Variants in CFAP58 observed in about 807,000 individuals in gnomAD.
The protein encoded by CFAP58 is cilia and flagella associated protein 58, also known as cilia- and flagella-associated protein 58.
CFAP58 carries 88 observed loss-of-function variants against 119.5 expected under a neutral mutation model. The ratio of observed to expected loss-of-function variants is 0.74; its 90% CI spans 0.62 to 0.88. The LOEUF (loss-of-function observed/expected upper bound fraction) is 0.88, where lower values mean the gene tolerates loss of function less well. Among genes scored for constraint, CFAP58 ranks in the 40% least tolerant of loss-of-function variants. The probability of loss-of-function intolerance (pLI) is 0.00; values close to 1 mark genes in which losing one functional copy is unlikely to be tolerated. For synonymous variants in CFAP58, 365 were observed against 366.3 expected (o/e 1.00, Z 0.04); for missense variants, 990 against 1,021.2 (o/e 0.97, Z 0.42).
At chr10:104,421,303 C>T (rs1029448045) in intron 15 of CFAP58, among the ~76,000 whole-genome samples, 1 of 152,194 alleles carries the variant, frequency 6.6e-6, no homozygotes, top group African/African-American at 2.4e-5. Flanking sequence ...GACTCCTTTT[C>T]CCTTCCACCT....
chr10:104,395,940 C>G (rs11192038), intron 11 of CFAP58, among the ~76,000 whole-genome samples: 37,530 of 152,128 alleles, frequency 0.25, 4,795 homozygotes, highest in Non-Finnish European at 0.28. Context: ...TCATTCATCC[C>G]CTTCAGCAGA....
chr10:104,424,828 A>G (rs1306639669), intron 15 of CFAP58, among the ~76,000 whole-genome samples: 1 of 152,230 alleles, frequency 6.6e-6, no homozygotes, highest in Non-Finnish European at 1.5e-5. Context: ...GGAGATGAGT[A>G]AGAACTGGCT....
chr10:104,445,118 T>C (rs534113866), intron 15 of CFAP58, among the ~76,000 whole-genome samples: 1 of 148,842 alleles, frequency 6.7e-6, no homozygotes, highest in African/African-American at 2.5e-5. Flanking sequence ...AGCCCAGGAG[T>C]TGGAGACCAG....
Position 104,357,941 on chromosome 10 carries a change from ATG to A in CFAP58, c.10-398_10-397del, listed in dbSNP as rs1410819245. 7.1e-5 allele frequency among the ~76,000 whole-genome samples: 9 copies of A among 127,464 alleles called. 1 individual carries two copies. The highest frequency in any genetic ancestry group is 3.4e-4 in the African/African-American group (8 of 23,340). The allele number at this position is 127,464 out of a possible 152,430, so 83.6% of individuals were successfully genotyped here. On this transcript the variant is annotated intron_variant, in intron 1 of 17. Coordinates refer to ENST00000369704, the MANE Select transcript of CFAP58 (RefSeq NM_001008723.2). ...TATATGTACACATATACACACATATATGTACACATATATACACATATATGTAC... is the reference window on the plus strand; with the variant it reads ...TATATGTACACATATACACACATATATACACATATATACACATATATGTAC...
intron 15 of CFAP58, among the ~76,000 whole-genome samples, chr10:104,445,129 C>G (rs2013093692): frequency 6.6e-6 from 1 of 151,694 alleles, no homozygotes; most frequent in African/African-American, 2.4e-5. Context: ...TGGAGACCAG[C>G]CTGGGCAACA....
chr10:104,417,465 T>C (rs1046008315), intron 15 of CFAP58, among the ~76,000 whole-genome samples: 3 of 152,174 alleles, frequency 2.0e-5, no homozygotes. Context: ...ACTGATAATA[T>C]CTAGGAGTAA....
intron 15 of CFAP58, among the ~76,000 whole-genome samples, chr10:104,436,952 C>A (rs912132728): frequency 6.6e-6 from 1 of 152,176 alleles, no homozygotes; most frequent in East Asian, 1.9e-4. Flanking sequence ...TTGTATTGTT[C>A]TCTTCTCTTA....
chr10:104,371,198 ATGGGG>A (rs1327080422), intron 7 of CFAP58, 144 bp downstream of exon 7: 4 of 480,590 alleles, frequency 8.3e-6, no homozygotes, highest in African/African-American at 6.4e-5. Flanking sequence ...AACAGTCAAT[ATGGGG>A]TGGGGTGGGG....
chr10:104,418,286 C>T (rs1026893947), intron 15 of CFAP58, among the ~76,000 whole-genome samples: 1 of 152,164 alleles, frequency 6.6e-6, no homozygotes, highest in Admixed American at 6.5e-5. Context: ...CGGTGGCTCA[C>T]GCCTGTAATC....
In CFAP58 at chr10:104,400,906, A is replaced by G. The variant is rs749988574; in HGVS notation, c.2039+3A>G. 59 of 1,611,356 alleles carry G rather than the reference A, an allele frequency of 3.7e-5. No homozygotes were observed. The Middle Eastern group carries it at 4.9e-4, about 13-fold the overall frequency. ...ATGGCTAATGTTGAAGAACTCAGGTAATAGATTATAGAACTCAGGGCTGAA... is the reference window on the plus strand; with the variant it reads ...ATGGCTAATGTTGAAGAACTCAGGTGATAGATTATAGAACTCAGGGCTGAA... On this transcript the variant is annotated splice_donor_region_variant and intron_variant, in intron 13 of 17. Transcript: ENST00000369704.
chr10:104,351,612 C>T (rs2014460228), upstream of CFAP58: 1 of 152,168 alleles, frequency 6.6e-6, no homozygotes, highest in African/African-American at 2.4e-5. Context: ...AAAATTTGCT[C>T]ACCCCATGGA....
At chr10:104,394,210 C>T (rs2012107918) in intron 11 of CFAP58, among the ~76,000 whole-genome samples, 2 of 152,240 alleles carry the variant, frequency 1.3e-5, no homozygotes, top group African/African-American at 4.8e-5. Context: ...ATACACACCA[C>T]TAAACCTAAT....
chr10:104,373,990 G>A (rs2014856219), intron 7 of CFAP58, among the ~76,000 whole-genome samples: 1 of 152,158 alleles, frequency 6.6e-6, no homozygotes, highest in South Asian at 2.1e-4. Context: ...ATGACAATAA[G>A]CTTCTGCTTT....
chr10:104,388,880 G>C lies in CFAP58; in HGVS notation c.1366-3353G>C, dbSNP rs549594003. 3.0e-4 allele frequency among the ~76,000 whole-genome samples: 45 copies of C among 152,308 alleles called. No individual in the cohort carries two copies. The East Asian group carries it at 7.5e-3, about 25-fold the overall frequency. On this transcript the variant is annotated intron_variant, in intron 9 of 17. Transcript: ENST00000369704. ...GCTGTACTTCTGTCGTGCACTGTAA[G>C]CATTTTCTGGACTCCCCTGAAGCCT...
At chr10:104,426,876 T>G (rs1001254388) in intron 15 of CFAP58, among the ~76,000 whole-genome samples, 1 of 152,242 alleles carries the variant, frequency 6.6e-6, no homozygotes, top group Non-Finnish European at 1.5e-5. Context: ...TATTTTCCTC[T>G]TCCTTTCCAA....
At chr10:104,442,337 C>A (rs2013051036) in intron 15 of CFAP58, among the ~76,000 whole-genome samples, 2 of 152,042 alleles carry the variant, frequency 1.3e-5, no homozygotes, top group South Asian at 4.1e-4. Context: ...TGCCTGTAAT[C>A]CCAGCACTTT....
At chr10:104,381,209 A>G (rs1205985395) in intron 9 of CFAP58, among the ~76,000 whole-genome samples, 1 of 152,206 alleles carries the variant, frequency 6.6e-6, no homozygotes, top group Non-Finnish European at 1.5e-5. Context: ...AGGAAATCCA[A>G]ACATTGGGGA....
At chr10:104,429,517 T>A (rs1365007594) in intron 15 of CFAP58, among the ~76,000 whole-genome samples, 1 of 152,180 alleles carries the variant, frequency 6.6e-6, no homozygotes, top group African/African-American at 2.4e-5. Context: ...TCCCCCAAAT[T>A]TGTTTATTAA....
chr10:104,439,704 T>TAACAACAACAACAAC (rs60040374), intron 15 of CFAP58, among the ~76,000 whole-genome samples: 19,826 of 151,164 alleles, frequency 0.13, 1,339 homozygotes, highest in Middle Eastern at 0.22. Context: ...GACTCTGTCT[T>TAACAACAACAACAAC]AACAACAACA....
Sources: gnomAD v4.1 joint callset for allele counts (sites outside exome capture counted in the v4.1 genomes callset) on GRCh38, gnomAD v4.1.1 for gene constraint, MANE v1.5 for transcripts, NCBI Gene and HGNC (gene_info 2026-07-23, HGNC 2026-07-21) for gene names.